CISH: variants seen among roughly 807,000 people sequenced by gnomAD.
The protein encoded by CISH is cytokine-inducible SH2-containing protein.
A neutral mutation model predicts 21.3 loss-of-function variants in CISH; 11 were observed. The observed-to-expected ratio is 0.52, with a 90% CI of 0.32 to 0.85. The LOEUF (loss-of-function observed/expected upper bound fraction) is 0.85. CISH is among the 40% of genes least tolerant of loss of function. The probability of loss-of-function intolerance (pLI) is 0.03; values close to 1 mark genes in which losing one functional copy is unlikely to be tolerated. For synonymous variants in CISH, 118 were observed against 142.3 expected (o/e 0.83, Z 1.22); for missense variants, 280 against 351.7 (o/e 0.80, Z 1.63).
chr3:50,608,407 G>A lies in CISH; in HGVS notation c.207C>T (p.Cys69=), dbSNP rs1170214383. ...GAAGGTAGGAGAAGGTCTTGGCTAT[G>A]CACAGCAGATCCTCCTCTGGGTCCA... ...KVLDPEEDLL[C]IAKTFSYLRE... is the part of the protein sequence containing the mutation. Residue 69 remains cysteine, a synonymous_variant, in exon 2 of 3, where the codon TGC becomes TGT. Coordinates refer to ENST00000348721, the MANE Select transcript of CISH (RefSeq NM_145071.4). 6.2e-7 allele frequency: 1 copy of A among 1,612,700 alleles called. No individual in the cohort carries two copies. Among genetic ancestry groups the A allele is most frequent in the East Asian group, 2.2e-5 (1 of 44,882 alleles).
Position 50,608,040 on chromosome 3 carries a change from A to G in CISH, c.344T>C (p.Leu115Pro). 1.2e-6 allele frequency: 2 copies of G among 1,613,980 alleles called. No individual in the cohort carries two copies. Among genetic ancestry groups the G allele is most frequent in the Non-Finnish European group, 8.5e-7 (1 of 1,180,006 alleles). ...AGTGGTTTTCACTGACAGCGTGAAC[A>G]GGTAGCTGGGGTGCGTGCTGTCACG... Reference protein sequence around the residue: ...LVRDSTHPSYLFTLSVKTTRG... With the variant: ...LVRDSTHPSYPFTLSVKTTRG... Residue 115 changes from leucine (L) to proline (P), a missense_variant, in exon 3 of 3, where the codon CTG becomes CCG. Leu to Pro is a moderately conservative substitution (Grantham distance 98, BLOSUM62 -3). Transcript: ENST00000348721.
intron 1 of CISH, chr3:50,608,896 C>G (rs986460907): frequency 2.9e-6 from 1 of 346,816 alleles, no homozygotes; most frequent in African/African-American, 2.1e-5. Flanking sequence ...AAACACAGAT[C>G]ATTCCCTATA....
chr3:50,610,283 C>T, intron 1 of CISH: 3 of 1,430,060 alleles, frequency 2.1e-6, no homozygotes, highest in Admixed American at 3.9e-5. Context: ...TCAGATCCCA[C>T]ATGTAGGTGT....
At position 50,611,502 on chromosome 3, in the gene CISH, T is replaced by C. The variant is rs1000420183; in HGVS notation, c.20+129A>G. ...ACAGCCCCACACAGAGCCTTGCTCC[T>C]GAGGTCCGTCTGCGCTCAGTCACCT... On this transcript the variant is annotated intron_variant, in intron 1 of 2. Transcript: ENST00000348721. The C allele has an allele frequency of 2.4e-5, 36 of 1,490,516 alleles. No homozygotes were observed. In the African/African-American group the frequency reaches 3.9e-4, roughly 16 times the overall value. 92.3% of individuals were successfully genotyped at this position (1,490,516 alleles called of 1,614,324 possible). A position where few individuals can be genotyped will look rare whatever the true frequency, so the allele number is the denominator to read the frequency against.
At chr3:50,608,292 C>T in intron 2 of CISH, 81 bp downstream of exon 2, 3 of 1,479,404 alleles carry the variant, frequency 2.0e-6, no homozygotes, top group East Asian at 4.6e-5. Context: ...GGCTATGCCT[C>T]CCAAATCAGA....
chr3:50,606,787 G>A lies in CISH; in HGVS notation c.*820C>T, dbSNP rs568795355. The A allele has an allele frequency of 6.6e-6, 1 of 152,414 alleles. No homozygotes were observed. The highest frequency in any genetic ancestry group is 2.4e-5 in the African/African-American group (1 of 41,580). 9.4% of individuals were successfully genotyped at this position (152,414 alleles called of 1,614,324 possible). ...GCCACAGTGAGACCAGCTCTATGCA[G>A]ATACAGCTCTGTCCTGTGAGGGGGT... On this transcript the variant is annotated 3_prime_UTR_variant, in exon 3 of 3. Coordinates refer to ENST00000348721, the MANE Select transcript of CISH (RefSeq NM_145071.4).
intron 1 of CISH, chr3:50,609,915 C>T (rs572816733): frequency 5.8e-4 from 95 of 164,734 alleles, no homozygotes; most frequent in Non-Finnish European, 1.1e-3. Context: ...GGGCAAACAG[C>T]GCCAGTATTG....
At chr3:50,608,224 C>A (rs2032218546) in intron 2 of CISH, 82 bp from the exon 3 acceptor site, 1 of 1,524,054 alleles carries the variant, frequency 6.6e-7, no homozygotes, top group Admixed American at 1.8e-5. Context: ...GGCAGTGCCT[C>A]CAGCTTCACG....
At chr3:50,608,724 A>C (rs1575985274) in intron 1 of CISH, 131 bp from the exon 2 acceptor site, 1 of 556,620 alleles carries the variant, frequency 1.8e-6, no homozygotes, top group South Asian at 3.6e-5. Context: ...CTTCCCCTCT[A>C]CCCAGCCATG....
chr3:50,606,708 C>T lies in CISH; in HGVS notation c.*899G>A, dbSNP rs745714780. On this transcript the variant is annotated 3_prime_UTR_variant, in exon 3 of 3. Coordinates refer to ENST00000348721, the MANE Select transcript of CISH (RefSeq NM_145071.4). ...ACCTAGCAGAACTGCAGTGGCGGCC[C>T]TCAAACCAGCACCCCCTCTTCCTGA... The T allele has an allele frequency of 1.1e-4, 16 of 152,308 alleles. No individual in the cohort carries two copies. Among genetic ancestry groups the T allele is most frequent in the Non-Finnish European group, 1.8e-4 (12 of 68,152 alleles). The allele number at this position is 152,308 out of a possible 1,614,324, so 9.4% of individuals were successfully genotyped here. A position where few individuals can be genotyped will look rare whatever the true frequency, so the allele number is the denominator to read the frequency against.
At chr3:50,610,972 C>T (rs1559479387) in intron 1 of CISH, 1 of 992,630 alleles carries the variant, frequency 1.0e-6, no homozygotes, top group African/African-American at 1.7e-5. Flanking sequence ...TCCCTTACCT[C>T]AAGTCTGGGA....
intron 1 of CISH, chr3:50,610,555 T>C (rs545193321): frequency 6.6e-6 from 10 of 1,518,352 alleles, no homozygotes; most frequent in African/African-American, 1.4e-5. Flanking sequence ...AAAGAGGCTA[T>C]GGGACCCCGG....
chr3:50,609,022 G>A (rs995274391), intron 1 of CISH: 2 of 164,838 alleles, frequency 1.2e-5, no homozygotes, highest in African/African-American at 4.8e-5. Flanking sequence ...GGTCCTAGTT[G>A]AGATAGATCT....
Position 50,608,157 on chromosome 3 carries a change from AG to A in CISH, c.242-16del. On this transcript the variant is annotated splice_polypyrimidine_tract_variant and intron_variant, in intron 2 of 2. Coordinates refer to ENST00000348721, the MANE Select transcript of CISH (RefSeq NM_145071.4). ...CCAATACCAGCCTAGGCAAGTGCAGAGGGGGCCAAGGGACATAGTGGAAATT... is the reference window on the plus strand; with the variant it reads ...CCAATACCAGCCTAGGCAAGTGCAGAGGGGCCAAGGGACATAGTGGAAATT... 6.3e-7 allele frequency: 1 copy of A among 1,584,726 alleles called. No individual in the cohort carries two copies. The highest frequency in any genetic ancestry group is 8.6e-7 in the Non-Finnish European group (1 of 1,162,296).
At chr3:50,610,493 C>T (rs1418686329) in intron 1 of CISH, 2 of 1,551,072 alleles carry the variant, frequency 1.3e-6, no homozygotes, top group Admixed American at 2.0e-5. Flanking sequence ...TTCCCTGACA[C>T]CCAACAGTAG....
chr3:50,607,965 A>T lies in CISH; in HGVS notation c.419T>A (p.Leu140Gln), dbSNP rs1196900431. 6.2e-7 allele frequency: 1 copy of T among 1,614,054 alleles called. No homozygotes were observed. The highest frequency in any genetic ancestry group is 2.2e-5 in the East Asian group (1 of 44,884). ...TGGCCTGGACAAGCAGTTGGAGTCC[A>T]GACGGAAGCTGGAGTCGGCATACTC... ...RIEYADSSFR[L>Q]DSNCLSRPRI... The change falls in exon 3 of 3, where the codon CTG becomes CAG. Residue 140 changes from leucine (L) to glutamine (Q), a missense_variant. Physicochemically the swap from Leu to Gln is moderately radical, Grantham distance 113. Coordinates refer to ENST00000348721, the MANE Select transcript of CISH (RefSeq NM_145071.4).
chr3:50,607,575 C>T lies in CISH; in HGVS notation c.*32G>A. 3.2e-6 allele frequency: 5 copies of T among 1,579,352 alleles called. No homozygotes were observed. The highest frequency in any genetic ancestry group is 3.4e-6 in the Non-Finnish European group (4 of 1,159,812). On this transcript the variant is annotated 3_prime_UTR_variant, in exon 3 of 3. Transcript: ENST00000348721. ...GGCTGATGTCCCCTCCAGGGTGCGA[C>T]TGGGTGAGGGTGGGCAGATTGCCCC...
chr3:50,609,500 T>C (rs896449264), intron 1 of CISH: 4 of 152,082 alleles, frequency 2.6e-5, no homozygotes, highest in African/African-American at 9.7e-5. Flanking sequence ...ATGGCTGGGG[T>C]TGGGGGAACT....
At position 50,611,741 on chromosome 3, in the gene CISH, G is replaced by A. The variant is rs1037287321; in HGVS notation, c.-91C>T. 8.6e-5 allele frequency: 119 copies of A among 1,390,960 alleles called. No homozygotes were observed. Among genetic ancestry groups the A allele is most frequent in the Non-Finnish European group, 1.1e-4 (113 of 1,074,134 alleles). The allele number at this position is 1,390,960 out of a possible 1,614,324, so 86.2% of individuals were successfully genotyped here. On this transcript the variant is annotated 5_prime_UTR_variant, in exon 1 of 3. Coordinates refer to ENST00000348721, the MANE Select transcript of CISH (RefSeq NM_145071.4). ...GTGGGCGCGGAGCGCGTGCTGGGTA[G>A]GCTCCCGGGGCGCGCGGGCGCAGGA...
Sources: allele counts gnomAD v4.1 joint callset, GRCh38; gene constraint gnomAD v4.1.1; transcripts MANE v1.5; gene names NCBI Gene and HGNC (gene_info 2026-07-23, HGNC 2026-07-21).